TSBP1: variants seen among roughly 807,000 people sequenced by gnomAD.
TSBP1 encodes testis-expressed basic protein 1.
In TSBP1, 56 loss-of-function variants were observed where a neutral mutation model predicts 68.8. That is an observed-to-expected ratio of 0.81 (90% CI 0.66 to 1.02). TSBP1 has a LOEUF of 1.02. Ranked by LOEUF, TSBP1 falls within the 50% of genes least tolerant of loss-of-function variation. The pLI, the probability that TSBP1 is intolerant of heterozygous loss-of-function variation, is 0.00. For synonymous variants in TSBP1, 171 were observed against 208.7 expected, an observed-to-expected ratio of 0.82 and a Z score of 1.56; for missense variants, 502 against 641.2, an observed-to-expected ratio of 0.78 and a Z score of 2.34.
intron 19 of TSBP1, among the ~76,000 whole-genome samples, chr6:32,307,657 T>G (rs902347911): frequency 4.6e-5 from 7 of 152,198 alleles, no homozygotes; most frequent in Admixed American, 1.3e-4. Flanking sequence ...ATGTCTTTGC[T>G]ATTTTGTCAG....
Position 32,325,070 on chromosome 6 carries a change from T to C in TSBP1, c.515-1456A>G, listed in dbSNP as rs1768068433. 1 of 471,144 alleles carries C rather than the reference T, an allele frequency of 2.1e-6. No individual in the cohort carries two copies. The highest frequency in any genetic ancestry group is 3.8e-5 in the Admixed American group (1 of 26,570). 29.2% of individuals were successfully genotyped at this position (471,144 alleles called of 1,614,324 possible). A position where few individuals can be genotyped will look rare whatever the true frequency, so the allele number is the denominator to read the frequency against. ...TGCATGGAAAGTTCCTAACATTCTTTAGAGTCATGTAAAAACTTTTTTCTC... is the reference window on the plus strand; with the variant it reads ...TGCATGGAAAGTTCCTAACATTCTTCAGAGTCATGTAAAAACTTTTTTCTC... On this transcript the variant is annotated intron_variant, in intron 16 of 22. Transcript: ENST00000612031. This position sits in a 1 kb window ranked among gnomAD's most constrained non-coding sequence, Gnocchi z 4.4.
At position 32,306,948 on chromosome 6, in the gene TSBP1, C is replaced by T. The variant is rs921647176; in HGVS notation, c.581-4319G>A. 6.6e-6 allele frequency among the ~76,000 whole-genome samples: 1 copy of T among 152,060 alleles called. No individual in the cohort carries two copies. The highest frequency in any genetic ancestry group is 1.5e-5 in the Non-Finnish European group (1 of 67,992). On this transcript the variant is annotated intron_variant, in intron 19 of 22. Coordinates refer to ENST00000612031, the Ensembl canonical transcript of TSBP1. The surrounding 1 kb of genome is among the most constrained non-coding windows in gnomAD (Gnocchi z 5.1). ...TTCTTATGATTTTGAGGAAATTTTG[C>T]TTTCTCTCCACATTTCTATTTTGTT...
At chr6:32,364,899 T>C (rs1246323883) in intron 6 of TSBP1, among the ~76,000 whole-genome samples, 1 of 111,460 alleles carries the variant, frequency 9.0e-6, no homozygotes, top group African/African-American at 2.7e-5. Context: ...ACAGGTGGGA[T>C]TTTTTCCCTT....
intron 9 of TSBP1, among the ~76,000 whole-genome samples, chr6:32,347,950 T>C (rs910049): frequency 0.76 from 115,326 of 152,102 alleles, 43,930 homozygotes; most frequent in South Asian, 0.86. Context: ...TAAAGGCCCT[T>C]ACTTCTTGGT....
Position 32,343,085 on chromosome 6 carries a change from A to G in TSBP1, c.350-3447T>C, listed in dbSNP as rs1770564421. ...GAAAGGTGGGCATGATCCAGTTAAG[A>G]TGGCTAATGAAGGACAAGGTGGAGA... On this transcript the variant is annotated intron_variant, in intron 9 of 22. Coordinates refer to ENST00000612031, the Ensembl canonical transcript of TSBP1. The surrounding 1 kb of genome is among the most constrained non-coding windows in gnomAD (Gnocchi z 4.3). 6.6e-6 allele frequency among the ~76,000 whole-genome samples: 1 copy of G among 152,142 alleles called. No homozygotes were observed. Among genetic ancestry groups the G allele is most frequent in the African/African-American group, 2.4e-5 (1 of 41,434 alleles).
Position 32,324,861 on chromosome 6 carries a change from AC to A in TSBP1, c.515-1248del, listed in dbSNP as rs201731068. ...TGGTTGAATTCTGGATAATGGAAAAACAAAAGGCTGAGAAAATAGAACTTCA... is the reference window on the plus strand; with the variant it reads ...TGGTTGAATTCTGGATAATGGAAAAAAAAAGGCTGAGAAAATAGAACTTCA... On this transcript the variant is annotated intron_variant, in intron 16 of 22. Coordinates refer to ENST00000612031, the Ensembl canonical transcript of TSBP1. Among the ~76,000 whole-genome samples, 1,010 of 152,168 alleles carry A rather than the reference AC, an allele frequency of 6.6e-3. 18 individuals carry two copies. The highest frequency in any genetic ancestry group is 0.02 in the East Asian group (102 of 5,184).
chr6:32,329,467 T>A (rs1768664065), intron 16 of TSBP1, among the ~76,000 whole-genome samples: 1 of 152,182 alleles, frequency 6.6e-6, no homozygotes, highest in Non-Finnish European at 1.5e-5. Flanking sequence ...AGGGGAATAG[T>A]CAATAACAAA....
At chr6:32,364,773 T>C (rs115875999) in intron 6 of TSBP1, among the ~76,000 whole-genome samples, 2,074 of 152,282 alleles carry the variant, frequency 0.014, 34 homozygotes, top group Admixed American at 0.031. Flanking sequence ...TGAAATATTA[T>C]TGTGTTCTTT....
chr6:32,349,905 A>C, intron 8 of TSBP1, 145 bp from the exon 9 acceptor site: 4 of 883,162 alleles, frequency 4.5e-6, no homozygotes, highest in Non-Finnish European at 7.8e-6. Context: ...TTGCAATGCA[A>C]TGTGGTGAGC....
At chr6:32,341,886 C>T (rs1770398837) in intron 9 of TSBP1, among the ~76,000 whole-genome samples, 1 of 152,020 alleles carries the variant, frequency 6.6e-6, no homozygotes, top group Non-Finnish European at 1.5e-5. Flanking sequence ...TAATATGCAA[C>T]CACAAATGTA....
chr6:32,316,349 G>A lies in TSBP1; in HGVS notation c.560-557C>T. ...ATCACTTTGACAGAAGTGAAGTGAA[G>A]GGGACCAAAGAGAACCAAAGTAGAA... is the stretch of plus-strand genomic sequence containing the variant. On this transcript the variant is annotated intron_variant, in intron 18 of 22. Transcript: ENST00000612031. The surrounding 1 kb of genome is among the most constrained non-coding windows in gnomAD (Gnocchi z 4.5). 1 of 1,524,944 alleles carries A rather than the reference G, an allele frequency of 6.6e-7. No homozygotes were observed. The highest frequency in any genetic ancestry group is 9.0e-7 in the Non-Finnish European group (1 of 1,116,224). The allele number at this position is 1,524,944 out of a possible 1,614,324, so 94.5% of individuals were successfully genotyped here.
chr6:32,305,404 T>C (rs1473498452), intron 19 of TSBP1, among the ~76,000 whole-genome samples: 3 of 152,224 alleles, frequency 2.0e-5, no homozygotes, highest in Non-Finnish European at 4.4e-5. Flanking sequence ...TAATGACTTA[T>C]GTCTTTAGAT....
intron 6 of TSBP1, among the ~76,000 whole-genome samples, chr6:32,359,557 G>T (rs1441476752): frequency 6.6e-6 from 1 of 151,840 alleles, no homozygotes; most frequent in Non-Finnish European, 1.5e-5. Context: ...CCCTTTGTCA[G>T]ATGAGTAGAT....
At chr6:32,356,474 C>T (rs1359207969) in intron 6 of TSBP1, among the ~76,000 whole-genome samples, 1 of 152,138 alleles carries the variant, frequency 6.6e-6, no homozygotes, top group Non-Finnish European at 1.5e-5. Context: ...AGTCCCAGCA[C>T]TTTGGGAGGC....
intron 22 of TSBP1, among the ~76,000 whole-genome samples, chr6:32,295,875 G>A (rs372375380): frequency 2.2e-5 from 3 of 135,058 alleles, no homozygotes; most frequent in South Asian, 2.2e-4. Flanking sequence ...ATGGAGTTTC[G>A]CTCTTGTTGC....
intron 22 of TSBP1, among the ~76,000 whole-genome samples, chr6:32,298,233 G>A (rs541999587): frequency 1.3e-5 from 2 of 151,968 alleles, no homozygotes; most frequent in Non-Finnish European, 2.9e-5. Flanking sequence ...GGATGTTGGC[G>A]CATTATAATT....
At chr6:32,359,790 TAA>T (rs1772785506) in intron 6 of TSBP1, among the ~76,000 whole-genome samples, 1 of 152,204 alleles carries the variant, frequency 6.6e-6, no homozygotes, top group African/African-American at 2.4e-5. Flanking sequence ...GTCTAACATT[TAA>T]GTCTTTAATC....
At chr6:32,312,432 T>A (rs926772116) in intron 19 of TSBP1, among the ~76,000 whole-genome samples, 1 of 152,142 alleles carries the variant, frequency 6.6e-6, no homozygotes, top group Non-Finnish European at 1.5e-5. Flanking sequence ...AGGAGAGGGT[T>A]TTAAAGGGGA....
chr6:32,327,279 C>G (rs994107813), intron 16 of TSBP1, among the ~76,000 whole-genome samples: 1 of 152,198 alleles, frequency 6.6e-6, no homozygotes, highest in African/African-American at 2.4e-5. Flanking sequence ...AGACATGGAA[C>G]TTAACCAGTC....
Sources: gnomAD v4.1 joint callset for allele counts (sites outside exome capture counted in the v4.1 genomes callset) on GRCh38, gnomAD v4.1.1 for gene constraint, Gnocchi (gnomAD v3.1) non-coding constraint, MANE v1.5 for transcripts, NCBI Gene and HGNC (gene_info 2026-07-23, HGNC 2026-07-21) for gene names.